BCL7B: variants seen among roughly 807,000 people sequenced by gnomAD.
BCL7B encodes BAF chromatin remodeling complex subunit BCL7B.
Under a neutral mutation model 26.5 loss-of-function variants are expected in BCL7B, and 11 were observed. The observed-to-expected ratio is 0.42, with a 90% CI of 0.26 to 0.69. BCL7B has a LOEUF of 0.69. Among genes scored for constraint, BCL7B ranks in the 30% least tolerant of loss-of-function variants. The pLI, the probability that BCL7B is intolerant of heterozygous loss-of-function variation, is 0.28. For missense variants in BCL7B, 215 were observed against 264.4 expected, an observed-to-expected ratio of 0.81 and a Z score of 1.30; for synonymous variants, 111 against 107.9, an observed-to-expected ratio of 1.03 and a Z score of -0.18.
At chr7:73,557,012 T>C (rs1792385416) in intron 1 of BCL7B, 38 of 987,584 alleles carry the variant, frequency 3.8e-5, no homozygotes, top group Non-Finnish European at 4.5e-5. Flanking sequence ...GCTTGCTCCC[T>C]TGACAGATGG....
chr7:73,556,178 C>G (rs1050307294), intron 1 of BCL7B, among the ~76,000 whole-genome samples: 14 of 152,156 alleles, frequency 9.2e-5, no homozygotes, highest in African/African-American at 3.1e-4. Flanking sequence ...TGAAACCCAA[C>G]TATATATGAA....
intron 2 of BCL7B, among the ~76,000 whole-genome samples, chr7:73,549,365 T>A (rs1792072094): frequency 6.6e-6 from 1 of 152,176 alleles, no homozygotes; most frequent in African/African-American, 2.4e-5. Context: ...AGATACTTTA[T>A]CATGCTGTTT....
At chr7:73,538,173 C>A (rs542006186) in intron 4 of BCL7B, 160 bp from the exon 5 acceptor site, 1 of 438,310 alleles carries the variant, frequency 2.3e-6, no homozygotes, top group Non-Finnish European at 4.1e-6. Context: ...AGGTCACAGC[C>A]AAGAATGGTG....
At chr7:73,545,359 C>T (rs192565501) in intron 2 of BCL7B, among the ~76,000 whole-genome samples, 242 of 152,086 alleles carry the variant, frequency 1.6e-3, no homozygotes, top group African/African-American at 5.5e-3. Context: ...ACTACAGGCG[C>T]CCACTACCAT....
intron 2 of BCL7B, among the ~76,000 whole-genome samples, chr7:73,545,734 T>C (rs1791928784): frequency 1.3e-5 from 2 of 152,208 alleles, no homozygotes; most frequent in Admixed American, 6.5e-5. Context: ...GCAGAGTCCA[T>C]ACAGTTGGTG....
intron 1 of BCL7B, 69 bp downstream of exon 1, chr7:73,557,418 C>T (rs545627817): frequency 1.1e-5 from 14 of 1,225,976 alleles, no homozygotes; most frequent in Middle Eastern, 3.3e-4. Flanking sequence ...CCACCTGACC[C>T]GCCAGTCCCA....
At chr7:73,542,235 G>A (rs1200605079) in intron 3 of BCL7B, among the ~76,000 whole-genome samples, 2 of 152,244 alleles carry the variant, frequency 1.3e-5, no homozygotes, top group African/African-American at 2.4e-5. Flanking sequence ...AAAAGGAGGA[G>A]ATGGTGGCCA....
Position 73,557,571 on chromosome 7 carries a change from C to A in BCL7B, c.8G>T (p.Gly3Val). Residue 3 changes from glycine (G) to valine (V), a missense_variant, in exon 1 of 6, where the codon GGC (glycine) becomes GTC (valine). Transcript: ENST00000223368. MS[G>V]RSVRAETRSR... is the part of the protein sequence containing the mutation. The stretch of plus-strand genomic sequence containing the variant: ...GCGGGTCTCCGCCCGGACCGACCGG[C>A]CCGACATGGCGGCGGCGGGAGCGGC... The A allele has an allele frequency of 1.5e-6, 2 of 1,342,388 alleles. No homozygotes were observed. Among genetic ancestry groups the A allele is most frequent in the African/African-American group, 1.5e-5 (1 of 65,614 alleles). The allele number at this position is 1,342,388 out of a possible 1,614,324, so 83.2% of individuals were successfully genotyped here.
intron 2 of BCL7B, among the ~76,000 whole-genome samples, chr7:73,546,630 T>C (rs1791966641): frequency 6.6e-6 from 1 of 151,316 alleles, no homozygotes; most frequent in South Asian, 2.1e-4. Context: ...ATCATGCCAC[T>C]GCACTCCAGC....
rs781932601 is a variant in BCL7B, at chr7:73,537,961, C to T, written c.489G>A (p.Lys163=). 6.2e-7 allele frequency: 1 copy of T among 1,602,234 alleles called. No individual in the cohort carries two copies. The highest frequency in any genetic ancestry group is 8.5e-7 in the Non-Finnish European group (1 of 1,175,012). Residue 163 remains lysine (K), a synonymous_variant, in exon 5 of 6, where the codon AAG becomes AAA. Transcript: ENST00000223368. The part of the protein sequence containing the change: ...EVADEPPTLT[K]EEPVPLETQV... The stretch of plus-strand genomic sequence containing the variant: ...GTGTCTCTAGTGGAACTGGTTCTTC[C>T]TTGGTGAGGGTAGGAGGTTCATCAG...
chr7:73,553,307 TG>T (rs1393882969), intron 1 of BCL7B, among the ~76,000 whole-genome samples: 1 of 152,004 alleles, frequency 6.6e-6, no homozygotes, highest in South Asian at 2.1e-4. Flanking sequence ...CACCTGCTGC[TG>T]GGGGGTATGG....
rs1431813860 is a variant in BCL7B, at chr7:73,539,974, G to A, written c.344C>T (p.Pro115Leu). The change falls in exon 4 of 6, where the codon CCC (proline) becomes CTC (leucine). Residue 115 changes from proline to leucine, a missense_variant. By Grantham distance (98) the Pro-to-Leu change is moderately conservative. Transcript: ENST00000223368. ...VDSSTNSSPS[P>L]QQSESLSPAH... is the part of the protein sequence containing the mutation. The stretch of plus-strand genomic sequence containing the variant: ...TGGGCTCAGGGACTCACTCTGCTGG[G>A]GGCTGGGGCTTGAGTTGGTGCTGCT... 3 of 1,613,954 alleles carry A rather than the reference G, an allele frequency of 1.9e-6. No individual in the cohort carries two copies. Among genetic ancestry groups the A allele is most frequent in the Non-Finnish European group, 2.5e-6 (3 of 1,180,034 alleles).
chr7:73,551,360 C>T (rs1399973344), intron 2 of BCL7B, among the ~76,000 whole-genome samples: 4 of 152,100 alleles, frequency 2.6e-5, no homozygotes, highest in Non-Finnish European at 4.4e-5. Context: ...AGTGCAGTGG[C>T]GGGATCTTGG....
At chr7:73,550,017 A>G (rs1554583927) in intron 2 of BCL7B, among the ~76,000 whole-genome samples, 1 of 152,096 alleles carries the variant, frequency 6.6e-6, no homozygotes, top group East Asian at 1.9e-4. Context: ...TTCTCACAAG[A>G]GTGTTAGCTT....
At chr7:73,544,575 A>G (rs151227636) in intron 2 of BCL7B, among the ~76,000 whole-genome samples, 1,887 of 152,264 alleles carry the variant, frequency 0.012, 39 homozygotes, top group African/African-American at 0.043. Context: ...GCAGTGAGCC[A>G]AGATTCTGCC....
intron 1 of BCL7B, chr7:73,557,186 G>T (rs1584006517): frequency 9.7e-7 from 1 of 1,030,344 alleles, no homozygotes; most frequent in Non-Finnish European, 1.2e-6. Context: ...GGGCTGGGCC[G>T]GGCGCGGGCA....
intron 1 of BCL7B, chr7:73,557,279 G>C: frequency 8.8e-7 from 1 of 1,138,098 alleles, no homozygotes; most frequent in East Asian, 4.3e-5. Flanking sequence ...GCAGGTGGGC[G>C]GGCCCGCGAG....
chr7:73,540,012 C>G lies in BCL7B; in HGVS notation c.306G>C (p.Gln102His). 6.2e-7 allele frequency: 1 copy of G among 1,614,018 alleles called. No homozygotes were observed. Reference protein sequence around the residue: ...SNQSSVSDVYQLKVDSSTNSS... With the variant: ...SNQSSVSDVYHLKVDSSTNSS... ...AGTTGGTGCTGCTGTCCACCTTAAG[C>G]TGATAGACGTCAGACACGGAACTCT... The change falls in exon 4 of 6, where the codon CAG (glutamine) becomes CAC (histidine). Residue 102 changes from glutamine to histidine, a missense_variant. By Grantham distance (24) the Gln-to-His change is conservative (BLOSUM62 0). Transcript: ENST00000223368.
intron 2 of BCL7B, 58 bp downstream of exon 2, chr7:73,552,109 A>ATT: frequency 8.2e-7 from 1 of 1,213,540 alleles, no homozygotes; most frequent in Non-Finnish European, 1.2e-6. Context: ...AAAAAAAAAG[A>ATT]GGCAATCAAA....
Sources: allele counts gnomAD v4.1 joint callset (sites outside exome capture counted in the v4.1 genomes callset), GRCh38; gene constraint gnomAD v4.1.1; transcripts MANE v1.5; gene names NCBI Gene and HGNC (gene_info 2026-07-23, HGNC 2026-07-21).